Variants in PTCHD4 observed in about 807,000 individuals in gnomAD.
PTCHD4 encodes the protein patched domain containing 4, also known as patched domain-containing protein 4.
Under a neutral mutation model 58.1 loss-of-function variants are expected in PTCHD4, and 33 were observed. The observed-to-expected ratio is 0.57, with a 90% confidence interval of 0.43 to 0.76. The LOEUF (loss-of-function observed/expected upper bound fraction) is 0.76, where lower values mean the gene tolerates loss of function less well. Ranked by LOEUF, PTCHD4 falls within the 30% of genes least tolerant of loss-of-function variation. PTCHD4 has a pLI of 0.00. For synonymous variants in PTCHD4, 478 were observed against 409.6 expected (o/e 1.17, Z -2.02); for missense variants, 1,058 against 1,027.1 (o/e 1.03, Z -0.41).
intron 4 of PTCHD4, among the ~76,000 whole-genome samples, chr6:47,884,094 G>A (rs548800426): frequency 6.7e-6 from 1 of 149,366 alleles, no homozygotes; most frequent in East Asian, 2.0e-4. Context: ...ATGTATGTAT[G>A]TGTGTGTGTG....
At chr6:48,088,627 T>C (rs1355792437) in intron 1 of PTCHD4, among the ~76,000 whole-genome samples, 1 of 152,210 alleles carries the variant, frequency 6.6e-6, no homozygotes, top group Non-Finnish European at 1.5e-5. Flanking sequence ...AGGAATACCA[T>C]TAAGCATTCG....
chr6:48,037,096 G>A (rs1484660185), intron 3 of PTCHD4, among the ~76,000 whole-genome samples: 4 of 152,144 alleles, frequency 2.6e-5, no homozygotes, highest in South Asian at 4.1e-4. Flanking sequence ...CACAATGACT[G>A]TGCAATTCAC....
At chr6:47,957,526 G>C (rs1443712203) in intron 4 of PTCHD4, among the ~76,000 whole-genome samples, 2 of 150,526 alleles carry the variant, frequency 1.3e-5, no homozygotes, top group Non-Finnish European at 3.0e-5. Context: ...ACTCCCTCCA[G>C]CCCAAGAAAT....
At position 48,068,065 on chromosome 6, in the gene PTCHD4, A is replaced by C. The variant is rs1371516034; in HGVS notation, c.417+165T>G. 1.3e-5 allele frequency among the ~76,000 whole-genome samples: 2 copies of C among 152,242 alleles called. No homozygotes were observed. The highest frequency in any genetic ancestry group is 3.9e-4 in the East Asian group (2 of 5,152). ...TGCAGAAGGAGCATACCTTTAATTT[A>C]GTGTTGGGATACCTCACTTGCACCC... On this transcript the variant is annotated intron_variant, in intron 3 of 4. Transcript: ENST00000339488. This position sits in a 1 kb window ranked among gnomAD's most constrained non-coding sequence, Gnocchi z 4.2.
rs556049125 is a variant in PTCHD4 at position 48,069,962 on chromosome 6, C to T, written c.-969-36G>A. Among the ~76,000 whole-genome samples the T allele has an allele frequency of 2.0e-5, 3 of 151,900 alleles. No individual in the cohort carries two copies. The South Asian group carries it at 6.2e-4, about 32-fold the overall frequency. On this transcript the variant is annotated intron_variant, in intron 1 of 4. Coordinates refer to ENST00000339488, the MANE Select transcript of PTCHD4 (RefSeq NM_001384253.1). ...AGAGAGTCGGGTGGGTAGAGGGAAA[C>T]CTATTGGAGTCACTTGTAAAAAACA...
intron 4 of PTCHD4, among the ~76,000 whole-genome samples, chr6:47,986,993 T>G (rs1768090343): frequency 6.9e-6 from 1 of 145,666 alleles, no homozygotes; most frequent in African/African-American, 2.8e-5. Flanking sequence ...TGGCAAAACC[T>G]TTTTTTTGAG....
rs956024461 is a variant in PTCHD4 at position 48,070,581 on chromosome 6, G to C, written c.-969-655C>G. 2.0e-5 allele frequency among the ~76,000 whole-genome samples: 3 copies of C among 152,288 alleles called. No homozygotes were observed. In the South Asian group the frequency reaches 6.2e-4, roughly 32 times the overall value. On this transcript the variant is annotated intron_variant, in intron 1 of 4. Transcript: ENST00000339488. ...CGGCCATTCTGTTTGAATTTCTACT[G>C]AGTGCAGGAATAGCTTCTATATTAT...
At chr6:47,951,896 A>T (rs1175105337) in intron 4 of PTCHD4, among the ~76,000 whole-genome samples, 1 of 152,180 alleles carries the variant, frequency 6.6e-6, no homozygotes, top group African/African-American at 2.4e-5. Flanking sequence ...ACATACCAAG[A>T]TAATATATCA....
At chr6:47,985,303 C>T (rs1768022024) in intron 4 of PTCHD4, among the ~76,000 whole-genome samples, 1 of 151,808 alleles carries the variant, frequency 6.6e-6, no homozygotes, top group South Asian at 2.1e-4. Flanking sequence ...GAAGAATATG[C>T]TAAAACTGAT....
chr6:48,065,858 T>C (rs1360035277), intron 3 of PTCHD4, among the ~76,000 whole-genome samples: 3 of 152,230 alleles, frequency 2.0e-5, no homozygotes, highest in African/African-American at 7.2e-5. Context: ...ATAAGAACTT[T>C]AGCTAATGTG....
intron 4 of PTCHD4, among the ~76,000 whole-genome samples, chr6:47,997,980 C>T (rs1768568459): frequency 6.7e-6 from 1 of 148,624 alleles, no homozygotes; most frequent in African/African-American, 2.4e-5. Flanking sequence ...CATTTTTCTT[C>T]AGAAAAACAA....
At chr6:48,078,915 G>C (rs951235317) in intron 1 of PTCHD4, among the ~76,000 whole-genome samples, 5 of 151,940 alleles carry the variant, frequency 3.3e-5, no homozygotes, top group Admixed American at 2.0e-4. Context: ...TTAGGATATC[G>C]AGACCATCGT....
At chr6:47,927,204 C>T (rs1207136239) in intron 4 of PTCHD4, among the ~76,000 whole-genome samples, 1 of 152,266 alleles carries the variant, frequency 6.6e-6, no homozygotes, top group Non-Finnish European at 1.5e-5. Flanking sequence ...CTATCCCCTA[C>T]CTCATACTTG....
chr6:47,900,483 G>C (rs182564839), intron 4 of PTCHD4: 2 of 152,242 alleles, frequency 1.3e-5, no homozygotes, highest in Admixed American at 6.5e-5. Context: ...TTATTATTAA[G>C]CTGTAATAGT....
chr6:48,077,855 G>A (rs968144963), intron 1 of PTCHD4, among the ~76,000 whole-genome samples: 8 of 152,038 alleles, frequency 5.3e-5, no homozygotes, highest in African/African-American at 1.9e-4. Context: ...TGCAGTTTAA[G>A]GCACCCCAAA....
intron 4 of PTCHD4, among the ~76,000 whole-genome samples, chr6:47,906,120 G>C (rs920921006): frequency 1.3e-5 from 2 of 152,206 alleles, no homozygotes; most frequent in Admixed American, 6.5e-5. Context: ...AATGTACCCT[G>C]TCTTGTGGCC....
At chr6:47,902,994 G>A (rs1231953489) in intron 4 of PTCHD4, among the ~76,000 whole-genome samples, 1 of 152,118 alleles carries the variant, frequency 6.6e-6, no homozygotes, top group Admixed American at 6.5e-5. Context: ...TCAAATTTTC[G>A]TGTGTGCATT....
At chr6:47,944,163 A>T (rs1003174267) in intron 4 of PTCHD4, among the ~76,000 whole-genome samples, 20 of 152,092 alleles carry the variant, frequency 1.3e-4, no homozygotes, top group Admixed American at 5.9e-4. Flanking sequence ...CTAAAATTAA[A>T]TATAGTGCTG....
chr6:48,034,276 A>T lies in PTCHD4; in HGVS notation c.418-25162T>A, dbSNP rs544528423. ...TATTTTACAAGAAATGCAGGTACAC[A>T]TGACCTAAAATGACAGGTTTAGGTC... On this transcript the variant is annotated intron_variant, in intron 3 of 4. Coordinates refer to ENST00000339488, the MANE Select transcript of PTCHD4 (RefSeq NM_001384253.1). Among the ~76,000 whole-genome samples the T allele has an allele frequency of 2.4e-4, 36 of 152,238 alleles. No homozygotes were observed. In the South Asian group the frequency reaches 7.0e-3, roughly 30 times the overall value.
Sources: allele counts gnomAD v4.1 joint callset (sites outside exome capture counted in the v4.1 genomes callset), GRCh38; gene constraint gnomAD v4.1.1; non-coding constraint Gnocchi (gnomAD v3.1); transcripts MANE v1.5; gene names NCBI Gene and HGNC (gene_info 2026-07-23, HGNC 2026-07-21).